Variants in BARX2 observed in about 807,000 individuals in gnomAD.
BARX2 encodes homeobox protein BarH-like 2.
BARX2 carries 11 observed loss-of-function variants against 25.5 expected under a neutral mutation model. The observed-to-expected ratio is 0.43, with a 90% CI of 0.27 to 0.71. The LOEUF (loss-of-function observed/expected upper bound fraction) is 0.71, where lower values mean the gene tolerates loss of function less well. Among genes scored for constraint, BARX2 ranks in the 30% least tolerant of loss-of-function variants. The pLI, the probability that BARX2 is intolerant of heterozygous loss-of-function variation, is 0.19. For missense variants in BARX2, 360 were observed against 359.9 expected (o/e 1.00, Z 0.00); for synonymous variants, 137 against 149.5 (o/e 0.92, Z 0.61).
intron 2 of BARX2, 117 bp from the exon 3 acceptor site, chr11:129,442,718 G>A (rs1862277329): frequency 1.2e-6 from 1 of 867,852 alleles, no homozygotes; most frequent in South Asian, 1.3e-5. Context: ...GTTTAATGGG[G>A]GAGGTCCGAG....
intron 1 of BARX2, among the ~76,000 whole-genome samples, chr11:129,404,473 G>C (rs1005331475): frequency 6.6e-6 from 1 of 152,226 alleles, no homozygotes; most frequent in Admixed American, 6.5e-5. Context: ...TTGCCCAAGA[G>C]AGAAAGCAAG....
At chr11:129,445,902 G>C (rs920120621) in intron 3 of BARX2, among the ~76,000 whole-genome samples, 1 of 152,054 alleles carries the variant, frequency 6.6e-6, no homozygotes. Flanking sequence ...TTAGGTACCA[G>C]GGAGGAAAAG....
chr11:129,390,355 A>G lies in BARX2; in HGVS notation c.187+14133A>G, dbSNP rs1260887986. Among the ~76,000 whole-genome samples the G allele has an allele frequency of 2.6e-5, 4 of 152,132 alleles. No homozygotes were observed. The highest frequency in any genetic ancestry group is 6.5e-5 in the Admixed American group (1 of 15,268). ...AGTGAGAAGGCTGACTTTGTCCCCT[A>G]GGGTCCTCAGAACCATAGAGTCTGA... is the stretch of plus-strand genomic sequence containing the variant. On this transcript the variant is annotated intron_variant, in intron 1 of 3. Transcript: ENST00000281437. This position sits in a 1 kb window ranked among gnomAD's most constrained non-coding sequence, Gnocchi z 4.3.
chr11:129,396,245 G>C (rs534473571), intron 1 of BARX2, among the ~76,000 whole-genome samples: 71 of 152,206 alleles, frequency 4.7e-4, no homozygotes, highest in African/African-American at 1.7e-3. Context: ...TTACTAAACT[G>C]CTCGTGTTTC....
At chr11:129,385,604 A>G (rs551085578) in intron 1 of BARX2, among the ~76,000 whole-genome samples, 1 of 152,268 alleles carries the variant, frequency 6.6e-6, no homozygotes, top group South Asian at 2.1e-4. Context: ...AATACTACAT[A>G]TTGTTTAGAG....
At chr11:129,442,277 G>A (rs1862269875) in intron 2 of BARX2, among the ~76,000 whole-genome samples, 1 of 152,116 alleles carries the variant, frequency 6.6e-6, no homozygotes, top group Non-Finnish European at 1.5e-5. Flanking sequence ...ACTGAGTTAG[G>A]GAGGCAGAAA....
Position 129,436,579 on chromosome 11 carries a change from G to T in BARX2, c.188-172G>T. The T allele has an allele frequency of 2.9e-6, 2 of 692,890 alleles. No individual in the cohort carries two copies. The highest frequency in any genetic ancestry group is 2.4e-6 in the Non-Finnish European group (1 of 420,920). The allele number at this position is 692,890 out of a possible 1,614,324, so 42.9% of individuals were successfully genotyped here. A position where few individuals can be genotyped will look rare whatever the true frequency, so the allele number is the denominator to read the frequency against. ...CAGAGCAGAGCAGACCTCTGTGCCT[G>T]CCCTGCAGCTGTAGGTCTTGAGTTA... On this transcript the variant is annotated intron_variant, in intron 1 of 3. Transcript: ENST00000281437. The surrounding 1 kb of genome is among the most constrained non-coding windows in gnomAD (Gnocchi z 4.5).
chr11:129,418,085 T>C (rs1861964043), intron 1 of BARX2, among the ~76,000 whole-genome samples: 1 of 152,188 alleles, frequency 6.6e-6, no homozygotes, highest in Non-Finnish European at 1.5e-5. Context: ...AGAGGAAGCA[T>C]TTATTTGTTT....
chr11:129,392,928 C>A (rs577072241), intron 1 of BARX2, among the ~76,000 whole-genome samples: 5 of 152,064 alleles, frequency 3.3e-5, no homozygotes, highest in African/African-American at 1.2e-4. Flanking sequence ...TTAATTATAC[C>A]ACAGTCATAT....
At chr11:129,429,939 C>T (rs1382950099) in intron 1 of BARX2, among the ~76,000 whole-genome samples, 2 of 152,212 alleles carry the variant, frequency 1.3e-5, no homozygotes, top group African/African-American at 2.4e-5. Context: ...TGCAAACTCA[C>T]GGCAGCCTCT....
intron 2 of BARX2, among the ~76,000 whole-genome samples, chr11:129,440,097 G>A (rs568093072): frequency 2.0e-5 from 3 of 152,186 alleles, no homozygotes; most frequent in Non-Finnish European, 4.4e-5. Context: ...CGTGACCAGG[G>A]CCATGAGCAC....
chr11:129,404,733 G>C (rs1861812822), intron 1 of BARX2, among the ~76,000 whole-genome samples: 1 of 152,208 alleles, frequency 6.6e-6, no homozygotes, highest in Non-Finnish European at 1.5e-5. Context: ...GGTGTGAGCA[G>C]TGAATGGAGG....
chr11:129,390,561 G>A lies in BARX2; in HGVS notation c.187+14339G>A, dbSNP rs183941635. Among the ~76,000 whole-genome samples the A allele has an allele frequency of 5.9e-5, 9 of 152,148 alleles. No homozygotes were observed. In the East Asian group the frequency reaches 1.7e-3, roughly 29 times the overall value. On this transcript the variant is annotated intron_variant, in intron 1 of 3. Coordinates refer to ENST00000281437, the MANE Select transcript of BARX2 (RefSeq NM_003658.5). This position sits in a 1 kb window ranked among gnomAD's most constrained non-coding sequence, Gnocchi z 4.3. ...AAAGGAATGTTGGCCAATGGGGAAGGGAGAGTGAGGGGTAAGGAAACAAGT... is the reference window on the plus strand; with the variant it reads ...AAAGGAATGTTGGCCAATGGGGAAGAGAGAGTGAGGGGTAAGGAAACAAGT...
At chr11:129,375,619 G>A (rs1323064354), upstream of BARX2, among the ~76,000 whole-genome samples, 1 of 151,968 alleles carries the variant, frequency 6.6e-6, no homozygotes, top group African/African-American at 2.4e-5. The surrounding 1 kb of genome is among the most constrained non-coding windows in gnomAD (Gnocchi z 4.0). Context: ...CAAAACGAGC[G>A]TCTTAAAATA....
chr11:129,442,864 C>T lies in BARX2; in HGVS notation c.518C>T (p.Thr173Ile). The change falls in exon 3 of 4, where the codon ACT (threonine) becomes ATT (isoleucine). Residue 173 changes from threonine (T) to isoleucine (I), a missense_variant. Thr to Ile is a moderately conservative substitution (Grantham distance 89, BLOSUM62 -1). Transcript: ENST00000281437. ...RLDLAQSLGL[T>I]QLQVKTWYQN... is the part of the protein sequence containing the mutation. ...GACTTGGCTCAGTCTCTGGGACTCACTCAGCTGCAGGTGAAGACCTGGTAT... is the reference window on the plus strand; with the variant it reads ...GACTTGGCTCAGTCTCTGGGACTCATTCAGCTGCAGGTGAAGACCTGGTAT... 6.2e-7 allele frequency: 1 copy of T among 1,613,994 alleles called. No homozygotes were observed. The highest frequency in any genetic ancestry group is 1.1e-5 in the South Asian group (1 of 91,072).
At chr11:129,380,533 G>A (rs1253485260) in intron 1 of BARX2, among the ~76,000 whole-genome samples, 1 of 152,192 alleles carries the variant, frequency 6.6e-6, no homozygotes, top group Non-Finnish European at 1.5e-5. Context: ...CTGAGAGTTG[G>A]ATACTGGAAT....
At chr11:129,421,655 C>T (rs1039345636) in intron 1 of BARX2, among the ~76,000 whole-genome samples, 6 of 152,176 alleles carry the variant, frequency 3.9e-5, no homozygotes, top group Admixed American at 3.3e-4. Flanking sequence ...CGATCACTGA[C>T]TATATTTTGG....
intron 3 of BARX2, among the ~76,000 whole-genome samples, chr11:129,449,184 T>C (rs967292205): frequency 3.3e-5 from 5 of 152,208 alleles, no homozygotes; most frequent in Non-Finnish European, 7.3e-5. Context: ...GCACTTTAAA[T>C]GGATTTGGCA....
intron 1 of BARX2, among the ~76,000 whole-genome samples, chr11:129,410,391 A>G (rs1861874037): frequency 1.3e-5 from 2 of 152,084 alleles, no homozygotes; most frequent in African/African-American, 4.8e-5. Flanking sequence ...AGCTTTCTTT[A>G]TAAGTTTTTC....
Sources: allele counts gnomAD v4.1 joint callset (sites outside exome capture counted in the v4.1 genomes callset), GRCh38; gene constraint gnomAD v4.1.1; non-coding constraint Gnocchi (gnomAD v3.1); transcripts MANE v1.5; gene names NCBI Gene and HGNC (gene_info 2026-07-23, HGNC 2026-07-21).